LRBA: variants seen among roughly 807,000 people sequenced by gnomAD.
The protein encoded by LRBA is LPS responsive beige-like anchor protein, also known as lipopolysaccharide-responsive and beige-like anchor protein.
Under a neutral mutation model 330.0 loss-of-function variants are expected in LRBA, and 176 were observed. The observed-to-expected ratio is 0.53, with a 90% CI of 0.47 to 0.60. The LOEUF is 0.60. Ranked by LOEUF, LRBA falls within the 20% of genes least tolerant of loss-of-function variation. The pLI, the probability that LRBA is intolerant of heterozygous loss-of-function variation, is 0.00. For missense variants in LRBA, 3,259 were observed against 3,444.8 expected (o/e 0.95, Z 1.35); for synonymous variants, 1,230 against 1,193.0 (o/e 1.03, Z -0.64).
chr4:150,923,493 A>T (rs1733553461), intron 4 of LRBA, among the ~76,000 whole-genome samples: 1 of 152,182 alleles, frequency 6.6e-6, no homozygotes, highest in Admixed American at 6.5e-5. Flanking sequence ...CTGAGAGTGG[A>T]TTAAACTTCC....
chr4:150,400,429 G>A (rs1048130611), intron 47 of LRBA, among the ~76,000 whole-genome samples: 4 of 152,026 alleles, frequency 2.6e-5, no homozygotes, highest in African/African-American at 9.7e-5. Context: ...AAATTTTGTC[G>A]TTTTACTTTT....
intron 45 of LRBA, 123 bp downstream of exon 45, chr4:150,436,601 C>A: frequency 2.9e-6 from 2 of 700,392 alleles, no homozygotes; most frequent in Non-Finnish European, 4.5e-6. Flanking sequence ...ATAATTAGAA[C>A]TTCAATAATT....
intron 5 of LRBA, among the ~76,000 whole-genome samples, chr4:150,918,977 T>C (rs985304022): frequency 3.9e-5 from 6 of 152,332 alleles, no homozygotes; most frequent in Admixed American, 3.9e-4. Flanking sequence ...ACAGCATTAT[T>C]CATACTAGCC....
chr4:150,385,353 G>T (rs1223600491), intron 47 of LRBA, among the ~76,000 whole-genome samples: 1 of 152,026 alleles, frequency 6.6e-6, no homozygotes, highest in South Asian at 2.1e-4. Flanking sequence ...ATAAAGGGGC[G>T]AATAGACCAG....
intron 52 of LRBA, among the ~76,000 whole-genome samples, chr4:150,309,903 C>G (rs772261114): frequency 5.9e-5 from 9 of 152,034 alleles, no homozygotes; most frequent in Non-Finnish European, 1.2e-4. Flanking sequence ...TGTGTGTGTG[C>G]ACTTGCCGTA....
chr4:150,555,041 G>A (rs1767114369), intron 40 of LRBA, among the ~76,000 whole-genome samples: 1 of 152,130 alleles, frequency 6.6e-6, no homozygotes, highest in African/African-American at 2.4e-5. Context: ...CTATAAATCT[G>A]TTTCAATATG....
intron 49 of LRBA, among the ~76,000 whole-genome samples, chr4:150,322,855 G>GGTA: frequency 1.3e-5 from 2 of 152,228 alleles, no homozygotes; most frequent in Middle Eastern, 3.4e-3. Flanking sequence ...AAAACACAGG[G>GGTA]GGATACAGCA....
intron 36 of LRBA, among the ~76,000 whole-genome samples, chr4:150,693,702 G>T (rs1449209470): frequency 6.6e-6 from 1 of 152,022 alleles, no homozygotes; most frequent in Non-Finnish European, 1.5e-5. Context: ...GGCAGAAAGG[G>T]GTTGTGATTG....
intron 47 of LRBA, among the ~76,000 whole-genome samples, chr4:150,391,972 TAAAAAAAA>T (rs150931536): frequency 4.7e-5 from 5 of 107,466 alleles, no homozygotes; most frequent in South Asian, 3.4e-4. Flanking sequence ...TGTTACTCTT[TAAAAAAAA>T]AAAAAAAAAA....
chr4:150,528,373 C>T (rs933039689), intron 40 of LRBA, among the ~76,000 whole-genome samples: 65 of 151,920 alleles, frequency 4.3e-4, no homozygotes, highest in African/African-American at 1.5e-3. Flanking sequence ...TGGTGGTGGG[C>T]GCCTGTAGTC....
intron 2 of LRBA, among the ~76,000 whole-genome samples, chr4:150,966,457 C>T (rs924611930): frequency 2.0e-5 from 3 of 151,028 alleles, no homozygotes; most frequent in South Asian, 2.1e-4. Context: ...TACAGGTGCC[C>T]GCCACCACAC....
At chr4:150,849,256 T>A (rs879398731) in intron 25 of LRBA, among the ~76,000 whole-genome samples, 166 bp downstream of exon 25, 5 of 152,200 alleles carry the variant, frequency 3.3e-5, no homozygotes, top group Admixed American at 6.5e-5. Context: ...TTTTAAGTTC[T>A]TTCATTACTA....
At position 150,373,164 on chromosome 4, in the gene LRBA, TGTGTGTGTGAGAGA is replaced by T. The variant is rs753919681; in HGVS notation, c.7195-23019_7195-23006del. Among the ~76,000 whole-genome samples, 102 of 135,186 alleles carry T rather than the reference TGTGTGTGTGAGAGA, an allele frequency of 7.5e-4. 1 individual carries two copies. The highest frequency in any genetic ancestry group is 1.0e-3 in the Non-Finnish European group (64 of 62,164). 88.7% of individuals were successfully genotyped at this position (135,186 alleles called of 152,430 possible). Reference sequence around the variant, plus strand: ...GTGTGTGTGTGTGTGTGTGTGTGTGTGTGTGTGTGAGAGAGAGAGAGAGAGAGAGAGAGAGAGAC... The same window carrying T: ...GTGTGTGTGTGTGTGTGTGTGTGTGTGAGAGAGAGAGAGAGAGAGAGAGAC... On this transcript the variant is annotated intron_variant, in intron 47 of 56. Transcript: ENST00000651943.
rs570507867 is a variant in LRBA at position 150,385,992 on chromosome 4, A to G, written c.7194+29446T>C. On this transcript the variant is annotated intron_variant, in intron 47 of 56. Transcript: ENST00000651943. Reference sequence around the variant, plus strand: ...CTCGTCTAGATACTTAGAGGAACAAACAGCCTGGAAAAAACACTGCCATCT... The same window carrying G: ...CTCGTCTAGATACTTAGAGGAACAAGCAGCCTGGAAAAAACACTGCCATCT... Among the ~76,000 whole-genome samples the G allele has an allele frequency of 4.6e-5, 7 of 152,280 alleles. 1 individual carries two copies. The South Asian group carries it at 1.5e-3, about 32-fold the overall frequency.
chr4:150,841,100 C>A, intron 28 of LRBA: 1 of 465,098 alleles, frequency 2.2e-6, no homozygotes, highest in Non-Finnish European at 3.5e-6. Context: ...TAAACCACCC[C>A]TTTTCTCTAG....
chr4:150,368,963 T>C (rs942594030), intron 47 of LRBA, among the ~76,000 whole-genome samples: 5 of 152,156 alleles, frequency 3.3e-5, no homozygotes, highest in African/African-American at 7.2e-5. Flanking sequence ...GTATGGACTG[T>C]GGGAATAAGA....
At chr4:150,621,369 T>TAA (rs1373351754) in intron 37 of LRBA, among the ~76,000 whole-genome samples, 1 of 152,198 alleles carries the variant, frequency 6.6e-6, no homozygotes, top group Non-Finnish European at 1.5e-5. Flanking sequence ...TTGTATATTG[T>TAA]AAGTTGTGCT....
In LRBA at chr4:150,489,415, TAAA is replaced by T. The variant is rs1178216375; in HGVS notation, c.6448+1500_6448+1502del. Among the ~76,000 whole-genome samples the T allele has an allele frequency of 9.0e-4, 47 of 52,204 alleles. 2 individuals are homozygous for T. Among genetic ancestry groups the T allele is most frequent in the Admixed American group, 3.0e-3 (8 of 2,626 alleles). 34.2% of individuals were successfully genotyped at this position (52,204 alleles called of 152,430 possible). On this transcript the variant is annotated intron_variant, in intron 41 of 56. Transcript: ENST00000651943. ...ATAAAATATATTATATATAAGAATATAAAATATATTACATATAAGAATATATAA... is the reference window on the plus strand; with the variant it reads ...ATAAAATATATTATATATAAGAATATATATATTACATATAAGAATATATAA...
intron 17 of LRBA, among the ~76,000 whole-genome samples, chr4:150,891,343 A>T (rs1317257291): frequency 6.6e-6 from 1 of 152,246 alleles, no homozygotes; most frequent in Non-Finnish European, 1.5e-5. Flanking sequence ...AACTATAAAT[A>T]AATAACAAAC....
Sources: allele counts gnomAD v4.1 joint callset (sites outside exome capture counted in the v4.1 genomes callset), GRCh38; gene constraint gnomAD v4.1.1; transcripts MANE v1.5; gene names NCBI Gene and HGNC (gene_info 2026-07-23, HGNC 2026-07-21).